Variants in ITPKA observed in about 807,000 individuals in gnomAD.
ITPKA encodes the protein IP3 3-kinase A.
ITPKA carries 16 observed loss-of-function variants against 40.7 expected under a neutral mutation model. The ratio of observed to expected loss-of-function variants is 0.39; its 90% CI spans 0.27 to 0.60. The LOEUF (loss-of-function observed/expected upper bound fraction) is 0.60. Ranked by LOEUF, ITPKA falls within the 20% of genes least tolerant of loss-of-function variation. ITPKA has a pLI of 0.50. For missense variants in ITPKA, 540 were observed against 649.3 expected (o/e 0.83, Z 1.83); for synonymous variants, 313 against 289.9 (o/e 1.08, Z -0.81).
At chr15:41,499,705 G>A (rs540522725) in intron 1 of ITPKA, among the ~76,000 whole-genome samples, 6 of 152,138 alleles carry the variant, frequency 3.9e-5, no homozygotes, top group Admixed American at 3.3e-4. Flanking sequence ...TAAAAGGCAA[G>A]TGCCTCTGTG....
chr15:41,501,333 GAATT>G (rs1259418074), intron 1 of ITPKA, 126 bp from the exon 2 acceptor site: 9 of 1,473,754 alleles, frequency 6.1e-6, no homozygotes, highest in Non-Finnish European at 8.1e-6. Context: ...GTGAATGAAT[GAATT>G]AATGACTCAT....
intron 1 of ITPKA, 165 bp from the exon 2 acceptor site, chr15:41,501,297 CA>C: frequency 1.4e-6 from 2 of 1,444,432 alleles, no homozygotes; most frequent in Non-Finnish European, 1.8e-6. Flanking sequence ...ACCCGCCACA[CA>C]GGCGCACAAA....
intron 1 of ITPKA, among the ~76,000 whole-genome samples, chr15:41,499,401 G>T (rs1354972856): frequency 6.6e-6 from 1 of 152,192 alleles, no homozygotes; most frequent in Non-Finnish European, 1.5e-5. Context: ...GGTAGCATTT[G>T]ATGGTTCGTG....
In ITPKA at chr15:41,502,999, T is replaced by C; in HGVS notation, c.1219T>C (p.Cys407Arg). 5 of 1,607,660 alleles carry C rather than the reference T, an allele frequency of 3.1e-6. No homozygotes were observed. The South Asian group carries it at 5.5e-5, about 18-fold the overall frequency. ...GSSLLFVHDHCHRAGVWLIDF... is the reference protein window; with the variant it reads ...GSSLLFVHDHRHRAGVWLIDF... ...CTCGCTCCTCTTTGTGCACGATCAC[T>C]GCCATCGCGCCGGCGTGTGGCTCAT... Residue 407 changes from cysteine to arginine, a missense_variant, in exon 7 of 7, where the codon TGC (cysteine) becomes CGC (arginine). Transcript: ENST00000260386.
Position 41,498,686 on chromosome 15 carries a change from A to G in ITPKA, c.490-2777A>G, listed in dbSNP as rs117910559. 9.0e-3 allele frequency among the ~76,000 whole-genome samples: 1,377 copies of G among 152,328 alleles called. 11 individuals carry two copies. The highest frequency in any genetic ancestry group is 0.017 in the Middle Eastern group (5 of 294). On this transcript the variant is annotated intron_variant, in intron 1 of 6. Transcript: ENST00000260386. ...GCCATTAAACTCATTCTTTTGGATAAAGGCAAAGGTGGCCATCCAGTAGAG... is the reference window on the plus strand; with the variant it reads ...GCCATTAAACTCATTCTTTTGGATAGAGGCAAAGGTGGCCATCCAGTAGAG...
At chr15:41,501,279 G>A (rs2051108056) in intron 1 of ITPKA, 184 bp from the exon 2 acceptor site, 3 of 982,858 alleles carry the variant, frequency 3.1e-6, no homozygotes, top group African/African-American at 1.8e-5. Context: ...CACTGCGCCT[G>A]TATCAGCACC....
chr15:41,502,738 C>A (rs745623869), intron 5 of ITPKA, 50 bp from the exon 6 acceptor site: 3 of 1,501,126 alleles, frequency 2.0e-6, no homozygotes, highest in Non-Finnish European at 2.7e-6. Flanking sequence ...AGCAGGGGCT[C>A]ATTTGGCGTT....
rs753794514 is a variant in ITPKA, at chr15:41,503,125, G to T, written c.1345G>T (p.Asp449Tyr). Residue 449 changes from aspartate (D) to tyrosine (Y), a missense_variant, in exon 7 of 7, where the codon GAC becomes TAC. Asp to Tyr is a radical substitution (Grantham distance 160). Coordinates refer to ENST00000260386, the MANE Select transcript of ITPKA (RefSeq NM_002220.3). The stretch of plus-strand genomic sequence containing the variant: ...CGAGGACGGCTATTTGCTGGGGCTG[G>T]ACAATCTCATTGGCATCCTGGCCAG... Reference protein sequence around the residue: ...NREDGYLLGLDNLIGILASLA... With the variant: ...NREDGYLLGLYNLIGILASLA... The T allele has an allele frequency of 1.3e-6, 2 of 1,598,338 alleles. No homozygotes were observed. Among genetic ancestry groups the T allele is most frequent in the Non-Finnish European group, 1.7e-6 (2 of 1,167,348 alleles).
intron 1 of ITPKA, among the ~76,000 whole-genome samples, chr15:41,497,236 A>G (rs1255381442): frequency 1.3e-5 from 2 of 152,244 alleles, no homozygotes; most frequent in South Asian, 2.1e-4. Context: ...CAAGATACCC[A>G]GGTAGCCTCT....
rs772110668 is a variant in ITPKA at position 41,502,456 on chromosome 15, G to A, written c.1063G>A (p.Val355Met). The change falls in exon 5 of 7, where the codon GTG becomes ATG. Residue 355 changes from valine (V) to methionine (M), a missense_variant. Coordinates refer to ENST00000260386, the MANE Select transcript of ITPKA (RefSeq NM_002220.3). ...DFKTTRSREQ[V>M]LRVFEEFVQG... is the part of the protein sequence containing the mutation. ...CAAGACTACGCGAAGCCGAGAGCAGGTGCTTCGCGTCTTTGAAGAGTTTGT... is the reference window on the plus strand; with the variant it reads ...CAAGACTACGCGAAGCCGAGAGCAGATGCTTCGCGTCTTTGAAGAGTTTGT... The A allele has an allele frequency of 1.2e-6, 2 of 1,603,492 alleles. No individual in the cohort carries two copies. Among genetic ancestry groups the A allele is most frequent in the African/African-American group, 1.3e-5 (1 of 74,764 alleles).
intron 1 of ITPKA, among the ~76,000 whole-genome samples, chr15:41,497,518 G>A (rs1386436092): frequency 2.6e-5 from 4 of 151,792 alleles, no homozygotes; most frequent in Non-Finnish European, 4.4e-5. Flanking sequence ...GTCAGCCACC[G>A]CGCCTGGGCT....
intron 1 of ITPKA, among the ~76,000 whole-genome samples, chr15:41,495,518 C>T (rs918568498): frequency 1.3e-5 from 2 of 152,212 alleles, no homozygotes; most frequent in Admixed American, 1.3e-4. Context: ...TGGGGTTTGT[C>T]AGTGACACCA....
In ITPKA at chr15:41,501,632, C is replaced by T. The variant is rs771605115; in HGVS notation, c.587-3C>T. The T allele has an allele frequency of 1.4e-5, 22 of 1,604,754 alleles. No homozygotes were observed. The highest frequency in any genetic ancestry group is 1.1e-4 in the East Asian group (5 of 44,508). ...GGCGGCGCTGACGGATGCCGGTCCT[C>T]AGGGAGTTTTAAGGCGGCGGGCACC... On this transcript the variant is annotated splice_polypyrimidine_tract_variant and splice_region_variant and intron_variant, in intron 2 of 6. Coordinates refer to ENST00000260386, the MANE Select transcript of ITPKA (RefSeq NM_002220.3).
At chr15:41,502,936 C>CGCG in intron 6 of ITPKA, 27 bp from the exon 7 acceptor site, 1 of 1,596,870 alleles carries the variant, frequency 6.3e-7, no homozygotes, top group South Asian at 1.1e-5. Flanking sequence ...TGGGCAGGGC[C>CGCG]GCGGCCTGAC....
In ITPKA at chr15:41,501,763, G is replaced by T; in HGVS notation, c.715G>T (p.Glu239Ter). 4 of 1,612,950 alleles carry T rather than the reference G, an allele frequency of 2.5e-6. No homozygotes were observed. Among genetic ancestry groups the T allele is most frequent in the Non-Finnish European group, 3.4e-6 (4 of 1,179,838 alleles). Residue 239 changes from glutamate to a stop codon, truncating the protein, a stop_gained, in exon 3 of 7, where the codon GAG becomes TAG. Coordinates refer to ENST00000260386, the MANE Select transcript of ITPKA (RefSeq NM_002220.3). LOFTEE classifies it high-confidence loss of function. Reference protein sequence around the residue: ...GCVPAFHGVVERDGESYLQLQ... With the variant: ...GCVPAFHGVV ...CGTGCCTGCCTTCCACGGCGTGGTGGAGCGCGACGGCGAAAGCTACCTGCA... is the reference window on the plus strand; with the variant it reads ...CGTGCCTGCCTTCCACGGCGTGGTGTAGCGCGACGGCGAAAGCTACCTGCA...
In ITPKA at chr15:41,494,754, T is replaced by C. The variant is rs2051058668; in HGVS notation, c.489+338T>C. Among the ~76,000 whole-genome samples, 1 of 152,200 alleles carries C rather than the reference T, an allele frequency of 6.6e-6. No homozygotes were observed. Among genetic ancestry groups the C allele is most frequent in the Non-Finnish European group, 1.5e-5 (1 of 68,024 alleles). On this transcript the variant is annotated intron_variant, in intron 1 of 6. Transcript: ENST00000260386. The surrounding 1 kb of genome is among the most constrained non-coding windows in gnomAD (Gnocchi z 7.8). ...CAGGAGGGATCGGAGGGGCTGAGCC[T>C]TGCCGGGTGAACCCTCGGAAGGAGA...
In ITPKA at chr15:41,494,498, C is replaced by T. The variant is rs2051056430; in HGVS notation, c.489+82C>T. 1 of 935,548 alleles carries T rather than the reference C, an allele frequency of 1.1e-6. No individual in the cohort carries two copies. The highest frequency in any genetic ancestry group is 1.8e-5 in the African/African-American group (1 of 56,852). 58.0% of individuals were successfully genotyped at this position (935,548 alleles called of 1,614,324 possible). On this transcript the variant is annotated intron_variant, in intron 1 of 6. Transcript: ENST00000260386. The surrounding 1 kb of genome is among the most constrained non-coding windows in gnomAD (Gnocchi z 7.8). ...GCTGGGTGCTCCCGGAGGACCCGCT[C>T]CTGTCCATGCTCCCTCCAGCGGAAG...
chr15:41,502,410 C>G lies in ITPKA; in HGVS notation c.1017C>G (p.Asp339Glu), dbSNP rs758806990. 8.1e-6 allele frequency: 13 copies of G among 1,595,412 alleles called. No individual in the cohort carries two copies. The highest frequency in any genetic ancestry group is 1.3e-5 in the African/African-American group (1 of 74,580). The change falls in exon 5 of 7, where the codon GAC becomes GAG. Residue 339 changes from aspartate (D) to glutamate (E), a missense_variant. Asp to Glu is a conservative substitution (Grantham distance 45, BLOSUM62 2). Transcript: ENST00000260386. ...TCCTGTCCCACATCCAGAAAGCGGACGGCTCCTGCAGCACCGACTTCAAGA... is the reference window on the plus strand; with the variant it reads ...TCCTGTCCCACATCCAGAAAGCGGAGGGCTCCTGCAGCACCGACTTCAAGA... ...GFRIEGIKKA[D>E]GSCSTDFKTT...
chr15:41,503,162 G>GA lies in ITPKA; in HGVS notation c.1383dup (p.Ter462MetfsTer13). ...GGCATCCTGGCCAGCCTGGCTGAGAGATGAGGCTGGACTCCTGTCCCCGCG... is the reference window on the plus strand; with the variant it reads ...GGCATCCTGGCCAGCCTGGCTGAGAGAATGAGGCTGGACTCCTGTCCCCGCG... On this transcript the variant is annotated frameshift_variant, in exon 7 of 7. Coordinates refer to ENST00000260386, the MANE Select transcript of ITPKA (RefSeq NM_002220.3). LOFTEE classifies it high-confidence loss of function. 1 of 1,580,908 alleles carries GA rather than the reference G, an allele frequency of 6.3e-7. No homozygotes were observed. Among genetic ancestry groups the GA allele is most frequent in the Non-Finnish European group, 8.6e-7 (1 of 1,156,210 alleles).
Sources: allele counts gnomAD v4.1 joint callset (sites outside exome capture counted in the v4.1 genomes callset), GRCh38; gene constraint gnomAD v4.1.1; non-coding constraint Gnocchi (gnomAD v3.1); transcripts MANE v1.5; gene names NCBI Gene and HGNC (gene_info 2026-07-23, HGNC 2026-07-21).